Variants in CALD1 observed in about 807,000 individuals in gnomAD.
CALD1 encodes the protein caldesmon.
CALD1 carries 33 observed loss-of-function variants against 99.9 expected under a neutral mutation model. The ratio of observed to expected loss-of-function variants is 0.33; its 90% CI spans 0.25 to 0.44. The LOEUF is 0.44. CALD1 is among the 20% of genes least tolerant of loss of function. The pLI is 1.00. For missense variants in CALD1, 861 were observed against 962.1 expected (o/e 0.89, Z 1.39); for synonymous variants, 310 against 325.0 (o/e 0.95, Z 0.50).
chr7:134,923,012 A>G (rs1804730833), intron 3 of CALD1, among the ~76,000 whole-genome samples: 1 of 152,174 alleles, frequency 6.6e-6, no homozygotes, highest in South Asian at 2.1e-4. Context: ...TTTTCATGCT[A>G]CTCGTACAAT....
At chr7:134,824,293 G>A (rs564523789) in intron 1 of CALD1, among the ~76,000 whole-genome samples, 71 of 152,272 alleles carry the variant, frequency 4.7e-4, no homozygotes, top group African/African-American at 1.1e-3. Context: ...ACACATGACC[G>A]CTGAAACAAC....
intron 2 of CALD1, among the ~76,000 whole-genome samples, chr7:134,853,033 A>T (rs1462286880): frequency 2.0e-5 from 3 of 152,160 alleles, no homozygotes; most frequent in Non-Finnish European, 4.4e-5. Context: ...TTATTGTCGG[A>T]AGTTCACAGA....
chr7:134,932,292 G>A (rs1805581328), intron 4 of CALD1, among the ~76,000 whole-genome samples: 1 of 152,304 alleles, frequency 6.6e-6, no homozygotes. Flanking sequence ...TGGCGTGAGT[G>A]TGGAATCTCA....
intron 1 of CALD1, among the ~76,000 whole-genome samples, chr7:134,820,710 C>T (rs1374289144): frequency 2.0e-5 from 3 of 152,136 alleles, no homozygotes; most frequent in Middle Eastern, 3.4e-3. Context: ...GCTAGATGCC[C>T]AATTTCAAAG....
At chr7:134,862,500 T>C (rs1315737024) in intron 2 of CALD1, among the ~76,000 whole-genome samples, 3 of 152,102 alleles carry the variant, frequency 2.0e-5, no homozygotes, top group African/African-American at 4.8e-5. Flanking sequence ...TCCAACTATA[T>C]GATATTCTGG....
chr7:134,817,098 T>C (rs1320556562), intron 1 of CALD1, among the ~76,000 whole-genome samples: 6 of 152,174 alleles, frequency 3.9e-5, no homozygotes, highest in Non-Finnish European at 7.4e-5. Context: ...ATTTTTTATC[T>C]CTGCTATTCT....
chr7:134,965,413 C>T, intron 14 of CALD1, 27 bp downstream of exon 14: 1 of 1,118,664 alleles, frequency 8.9e-7, no homozygotes, highest in South Asian at 1.2e-5. Context: ...ACTAGTATTT[C>T]AGAGGTTTGT....
intron 1 of CALD1, among the ~76,000 whole-genome samples, chr7:134,772,957 CCTT>C (rs1385683209): frequency 2.0e-5 from 3 of 152,178 alleles, no homozygotes; most frequent in Non-Finnish European, 4.4e-5. Flanking sequence ...TTTTTGTCCT[CCTT>C]CTTGGTTTCT....
intron 2 of CALD1, among the ~76,000 whole-genome samples, chr7:134,855,663 G>A (rs866596760): frequency 6.6e-6 from 1 of 152,100 alleles, no homozygotes; most frequent in Non-Finnish European, 1.5e-5. Context: ...GTTTATATTC[G>A]GCTGCAGAAA....
At chr7:134,748,708 T>TTCCCCC (rs1562988094) in intron 1 of CALD1, among the ~76,000 whole-genome samples, 3 of 132,364 alleles carry the variant, frequency 2.3e-5, no homozygotes, top group African/African-American at 6.0e-5. Context: ...TGAAACTCCA[T>TTCCCCC]CCCCCCGCCC....
intron 1 of CALD1, among the ~76,000 whole-genome samples, chr7:134,773,261 T>A (rs1395734706): frequency 6.8e-6 from 1 of 147,048 alleles, no homozygotes; most frequent in African/African-American, 2.6e-5. Context: ...CATTTTTCTG[T>A]AAGATTTTTC....
intron 1 of CALD1, among the ~76,000 whole-genome samples, chr7:134,784,932 C>T (rs573362848): frequency 1.3e-5 from 2 of 152,236 alleles, no homozygotes; most frequent in South Asian, 4.1e-4. Context: ...GAGAGGAGAT[C>T]TGATTGGTTC....
the CALD1 span, among the ~76,000 whole-genome samples, chr7:134,714,561 G>C: frequency 6.6e-6 from 1 of 152,212 alleles, no homozygotes; most frequent in Admixed American, 6.5e-5. Context: ...AAGAATTCAA[G>C]AGTGAACTGG....
chr7:134,914,762 C>G (rs1217256666), intron 3 of CALD1, among the ~76,000 whole-genome samples: 1 of 152,190 alleles, frequency 6.6e-6, no homozygotes, highest in East Asian at 1.9e-4. Flanking sequence ...CTAGCCATCC[C>G]AAAAGAGCCA....
chr7:134,861,358 T>C (rs537721316), intron 2 of CALD1, among the ~76,000 whole-genome samples: 1 of 152,302 alleles, frequency 6.6e-6, no homozygotes, highest in African/African-American at 2.4e-5. Context: ...TGCTGGAGTA[T>C]GTTGTACCCA....
At chr7:134,860,943 C>G (rs1312488476) in intron 2 of CALD1, among the ~76,000 whole-genome samples, 2 of 152,052 alleles carry the variant, frequency 1.3e-5, no homozygotes, top group African/African-American at 4.8e-5. Flanking sequence ...AGTTGTAAGA[C>G]ATATTTGAGA....
intron 3 of CALD1, among the ~76,000 whole-genome samples, chr7:134,899,450 G>A (rs571063431): frequency 6.6e-5 from 10 of 152,210 alleles, no homozygotes; most frequent in South Asian, 4.1e-4. Context: ...TGATCCGCCC[G>A]CCTGGCCCTC....
In CALD1 at chr7:134,818,338, C is replaced by T. The variant is rs1201396658; in HGVS notation, c.-129-25546C>T. Among the ~76,000 whole-genome samples, 5 of 152,156 alleles carry T rather than the reference C, an allele frequency of 3.3e-5. No homozygotes were observed. The East Asian group carries it at 9.6e-4, about 29-fold the overall frequency. ...TTTCGAAGTTTCAACTAGAGTTTCA[C>T]CCAGTGTGCTTTCTTCTTAGGTTTT... On this transcript the variant is annotated intron_variant, in intron 1 of 14. Coordinates refer to ENST00000361675, the MANE Select transcript of CALD1 (RefSeq NM_033138.4).
At chr7:134,774,677 T>C (rs1418882477), upstream of CALD1, among the ~76,000 whole-genome samples, 1 of 152,216 alleles carries the variant, frequency 6.6e-6, no homozygotes, top group African/African-American at 2.4e-5. Context: ...TTCCGAGGTT[T>C]TCCCGATTCT....
Sources: gnomAD v4.1 joint callset for allele counts (sites outside exome capture counted in the v4.1 genomes callset) on GRCh38, gnomAD v4.1.1 for gene constraint, MANE v1.5 for transcripts, NCBI Gene and HGNC (gene_info 2026-07-23, HGNC 2026-07-21) for gene names.